Variants in ATP6V0E1 observed in about 807,000 individuals in gnomAD.
The protein encoded by ATP6V0E1 is ATPase H+ transporting V0 subunit e1.
Under a neutral mutation model 11.6 loss-of-function variants are expected in ATP6V0E1, and 4 were observed. That is an observed-to-expected ratio of 0.35 (90% CI 0.17 to 0.79). The LOEUF (loss-of-function observed/expected upper bound fraction) is 0.79, where lower values mean the gene tolerates loss of function less well. Ranked by LOEUF, ATP6V0E1 falls within the 30% of genes least tolerant of loss-of-function variation. The probability of loss-of-function intolerance (pLI) is 0.54; values close to 1 mark genes in which losing one functional copy is unlikely to be tolerated. For missense variants in ATP6V0E1, 105 were observed against 100.0 expected (o/e 1.05, Z -0.21); for synonymous variants, 36 against 34.8 (o/e 1.04, Z -0.13).
intron 3 of ATP6V0E1, among the ~76,000 whole-genome samples, chr5:173,032,954 G>A (rs187776560): frequency 1.3e-5 from 2 of 152,290 alleles, no homozygotes; most frequent in South Asian, 2.1e-4. Context: ...AAATTAGCTG[G>A]GCATGATGGC....
intron 2 of ATP6V0E1, among the ~76,000 whole-genome samples, chr5:173,007,097 A>G (rs190302658): frequency 2.0e-5 from 3 of 152,214 alleles, no homozygotes; most frequent in African/African-American, 7.2e-5. Flanking sequence ...TTGGTAGTGA[A>G]ATAGCCATAG....
rs770680727 is a variant in ATP6V0E1 at position 173,020,228 on chromosome 5, C to T, written c.153-10C>T. The T allele has an allele frequency of 6.2e-7, 1 of 1,606,968 alleles. No homozygotes were observed. Among genetic ancestry groups the T allele is most frequent in the South Asian group, 1.1e-5 (1 of 90,922 alleles). ...ACCGCTTCGTTGTTTCTCTCCCATC[C>T]TTCTTTTAGTTGGCTGATTGCAATT... On this transcript the variant is annotated splice_polypyrimidine_tract_variant and intron_variant, in intron 2 of 3. Coordinates refer to ENST00000519374, the MANE Select transcript of ATP6V0E1 (RefSeq NM_003945.4).
At chr5:173,015,294 A>G (rs1321511706) in intron 2 of ATP6V0E1, among the ~76,000 whole-genome samples, 2 of 152,346 alleles carry the variant, frequency 1.3e-5, no homozygotes, top group Non-Finnish European at 2.9e-5. Context: ...AAATTGTGAT[A>G]TTGTGAAATA....
At chr5:173,006,885 T>C (rs1022434871) in intron 2 of ATP6V0E1, among the ~76,000 whole-genome samples, 1 of 152,182 alleles carries the variant, frequency 6.6e-6, no homozygotes, top group Non-Finnish European at 1.5e-5. Flanking sequence ...AAGGGAAATC[T>C]AGGCAGCTGG....
chr5:173,031,170 T>G (rs915172344), intron 3 of ATP6V0E1, among the ~76,000 whole-genome samples: 1 of 151,850 alleles, frequency 6.6e-6, no homozygotes, highest in Non-Finnish European at 1.5e-5. Flanking sequence ...GGTCTCGATC[T>G]CCTGACCTCA....
At chr5:172,984,542 C>G (rs571681569) in intron 1 of ATP6V0E1, among the ~76,000 whole-genome samples, 6 of 152,142 alleles carry the variant, frequency 3.9e-5, no homozygotes, top group Non-Finnish European at 8.8e-5. Flanking sequence ...GAAACCCCTG[C>G]GTCATGCCTT....
chr5:173,015,972 C>T (rs151009481), intron 2 of ATP6V0E1, among the ~76,000 whole-genome samples: 10 of 152,292 alleles, frequency 6.6e-5, no homozygotes, highest in Non-Finnish European at 1.0e-4. Flanking sequence ...GTGATCCACC[C>T]GCCTTGGCCT....
At chr5:172,994,912 A>G (rs755861161) in intron 2 of ATP6V0E1, 90 bp downstream of exon 2, 36 of 991,158 alleles carry the variant, frequency 3.6e-5, no homozygotes, top group East Asian at 2.5e-5. Context: ...CCCTCATGTA[A>G]TATCTAGAAA....
chr5:173,021,771 G>A (rs534164873), intron 3 of ATP6V0E1, among the ~76,000 whole-genome samples: 1 of 152,180 alleles, frequency 6.6e-6, no homozygotes, highest in Non-Finnish European at 1.5e-5. Flanking sequence ...GTCTTTGGTC[G>A]TGCGCGGTGG....
intron 1 of ATP6V0E1, among the ~76,000 whole-genome samples, chr5:172,984,628 C>G (rs1712573300): frequency 1.3e-5 from 2 of 152,338 alleles, no homozygotes; most frequent in Non-Finnish European, 2.9e-5. Flanking sequence ...TTTTGTTTTT[C>G]CAGACTTCTT....
chr5:172,998,609 TA>T (rs59297626), intron 2 of ATP6V0E1, among the ~76,000 whole-genome samples: 2,100 of 119,908 alleles, frequency 0.018, 30 homozygotes, highest in South Asian at 0.031. Flanking sequence ...GACTCCATCT[TA>T]AAAAAAAAAA....
At chr5:172,990,833 T>TAAA (rs201409111) in intron 1 of ATP6V0E1, among the ~76,000 whole-genome samples, 9 of 137,396 alleles carry the variant, frequency 6.6e-5, no homozygotes, top group African/African-American at 2.4e-4. Flanking sequence ...TCTCAAAAAT[T>TAAA]AAAAAAAAAA....
intron 1 of ATP6V0E1, 48 bp from the exon 2 acceptor site, chr5:172,994,727 A>G (rs756206815): frequency 4.2e-6 from 6 of 1,444,196 alleles, no homozygotes; most frequent in Non-Finnish European, 4.8e-6. Flanking sequence ...TGATGTTTGC[A>G]TAGTTTGCTA....
intron 2 of ATP6V0E1, among the ~76,000 whole-genome samples, chr5:173,013,673 C>A (rs1054815766): frequency 6.6e-6 from 1 of 151,418 alleles, no homozygotes; most frequent in African/African-American, 2.4e-5. Flanking sequence ...TATATAAGGA[C>A]CTCAAACAAC....
chr5:173,016,436 A>G (rs1756400907), intron 2 of ATP6V0E1, among the ~76,000 whole-genome samples: 1 of 152,236 alleles, frequency 6.6e-6, no homozygotes, highest in Non-Finnish European at 1.5e-5. Flanking sequence ...AAATAGCATC[A>G]GTATATTTTA....
At chr5:173,008,910 CAAAAAAAAAAAAA>C (rs1164495740) in intron 2 of ATP6V0E1, among the ~76,000 whole-genome samples, 1 of 41,338 alleles carries the variant, frequency 2.4e-5, no homozygotes, top group Non-Finnish European at 4.4e-5. Context: ...GACTCTGTCT[CAAAAAAAAAAAAA>C]AAAAAAAAAA....
intron 1 of ATP6V0E1, among the ~76,000 whole-genome samples, chr5:172,989,551 T>C (rs925997071): frequency 6.6e-6 from 1 of 151,264 alleles, no homozygotes; most frequent in African/African-American, 2.4e-5. Context: ...TTTTGAGACC[T>C]AGTCTTGCTC....
chr5:173,000,313 A>G (rs2113588943), intron 2 of ATP6V0E1, among the ~76,000 whole-genome samples: 1 of 152,330 alleles, frequency 6.6e-6, no homozygotes, highest in Middle Eastern at 3.4e-3. Context: ...TCTTTAAGGC[A>G]CAAGATCACT....
At chr5:173,031,864 G>T (rs1186341850) in intron 3 of ATP6V0E1, among the ~76,000 whole-genome samples, 1 of 150,198 alleles carries the variant, frequency 6.7e-6, no homozygotes, top group Admixed American at 6.7e-5. Flanking sequence ...TCCAAAATCA[G>T]CCGGGTGCAG....
Sources: allele counts gnomAD v4.1 joint callset (sites outside exome capture counted in the v4.1 genomes callset), GRCh38; gene constraint gnomAD v4.1.1; transcripts MANE v1.5; gene names NCBI Gene and HGNC (gene_info 2026-07-23, HGNC 2026-07-21).